EXOC4: variants seen among roughly 807,000 people sequenced by gnomAD.
The protein encoded by EXOC4 is SEC8-like 1.
EXOC4 carries 71 observed loss-of-function variants against 107.2 expected under a neutral mutation model. The observed-to-expected ratio is 0.66, with a 90% CI of 0.55 to 0.81. The LOEUF (loss-of-function observed/expected upper bound fraction) is 0.81, where lower values mean the gene tolerates loss of function less well. Ranked by LOEUF, EXOC4 falls within the 30% of genes least tolerant of loss-of-function variation. The pLI is 0.00. For missense variants in EXOC4, 1,108 were observed against 1,189.6 expected, an observed-to-expected ratio of 0.93 and a Z score of 1.01; for synonymous variants, 456 against 441.2, an observed-to-expected ratio of 1.03 and a Z score of -0.42.
At chr7:133,998,273 C>T (rs982586437) in intron 15 of EXOC4, among the ~76,000 whole-genome samples, 1 of 152,194 alleles carries the variant, frequency 6.6e-6, no homozygotes, top group Non-Finnish European at 1.5e-5. Context: ...TTTGTACTTA[C>T]AGCACATCAC....
At chr7:133,971,633 T>C (rs1801241748) in intron 14 of EXOC4, among the ~76,000 whole-genome samples, 1 of 152,064 alleles carries the variant, frequency 6.6e-6, no homozygotes, top group Non-Finnish European at 1.5e-5. Flanking sequence ...AATTGCCTCC[T>C]TAAAAGTGCT....
At chr7:133,443,527 A>G (rs1264204729) in intron 7 of EXOC4, among the ~76,000 whole-genome samples, 4 of 152,200 alleles carry the variant, frequency 2.6e-5, no homozygotes, top group East Asian at 1.9e-4. Flanking sequence ...AAAACTCCTC[A>G]GTGACCTTCC....
intron 10 of EXOC4, among the ~76,000 whole-genome samples, chr7:133,709,186 A>G (rs147219634): frequency 6.6e-4 from 100 of 152,354 alleles, no homozygotes; most frequent in Admixed American, 1.5e-3. Context: ...GTGTAATTGC[A>G]AAGGACAACA....
chr7:133,350,080 T>G lies in EXOC4; in HGVS notation c.764-6250T>G, dbSNP rs1795873756. Among the ~76,000 whole-genome samples, 2 of 152,174 alleles carry G rather than the reference T, an allele frequency of 1.3e-5. 1 individual carries two copies. ...CTATATATTTTGTATATTAATACCT[T>G]ATCCGATATGTGATTTTGAATTTTT... On this transcript the variant is annotated intron_variant, in intron 5 of 17. Transcript: ENST00000253861.
intron 7 of EXOC4, among the ~76,000 whole-genome samples, chr7:133,436,794 T>G (rs553200872): frequency 1.3e-5 from 2 of 152,288 alleles, no homozygotes; most frequent in East Asian, 1.9e-4. Flanking sequence ...ACCCTCCCCC[T>G]TTATTTTAGC....
intron 11 of EXOC4, among the ~76,000 whole-genome samples, 173 bp from the exon 12 acceptor site, chr7:133,895,426 T>C (rs1288295728): frequency 6.6e-6 from 1 of 152,206 alleles, no homozygotes; most frequent in African/African-American, 2.4e-5. Flanking sequence ...ACCAGAGCTG[T>C]TCCTATTCGG....
At chr7:133,424,096 A>G (rs1797666988) in intron 7 of EXOC4, among the ~76,000 whole-genome samples, 1 of 152,180 alleles carries the variant, frequency 6.6e-6, no homozygotes. Flanking sequence ...AAAATGGACC[A>G]ATCAGTAGGA....
At chr7:134,016,033 T>C (rs886666333) in intron 17 of EXOC4, among the ~76,000 whole-genome samples, 1 of 150,826 alleles carries the variant, frequency 6.6e-6, no homozygotes, top group African/African-American at 2.4e-5. Flanking sequence ...AGTGAAGGAG[T>C]CAAGGATGAC....
At chr7:134,005,166 A>G in intron 16 of EXOC4, 76 bp downstream of exon 16, 1 of 1,432,532 alleles carries the variant, frequency 7.0e-7, no homozygotes, top group South Asian at 1.3e-5. Flanking sequence ...TGTATTACTG[A>G]AGTTCAAGAC....
chr7:133,425,389 C>T (rs1797701702), intron 7 of EXOC4, among the ~76,000 whole-genome samples: 2 of 152,128 alleles, frequency 1.3e-5, no homozygotes, highest in East Asian at 1.9e-4. Context: ...CCGGTTCAAG[C>T]GATTCTGCTG....
chr7:133,348,659 G>A (rs934479178), intron 5 of EXOC4, among the ~76,000 whole-genome samples: 2 of 152,158 alleles, frequency 1.3e-5, no homozygotes, highest in Non-Finnish European at 2.9e-5. Flanking sequence ...CCCCAAACAT[G>A]CTGAATTTAG....
intron 11 of EXOC4, among the ~76,000 whole-genome samples, chr7:133,847,348 G>A (rs1324747787): frequency 6.6e-6 from 1 of 151,452 alleles, no homozygotes; most frequent in Non-Finnish European, 1.5e-5. Context: ...TCTAGAGGGG[G>A]AGAGGATTAG....
intron 3 of EXOC4, among the ~76,000 whole-genome samples, chr7:133,301,137 C>T (rs560131125): frequency 6.6e-6 from 1 of 152,200 alleles, no homozygotes; most frequent in African/African-American, 2.4e-5. Context: ...AAGGTGGACA[C>T]TTGAGGGTGG....
chr7:133,674,448 T>A (rs1435125401), intron 10 of EXOC4, among the ~76,000 whole-genome samples: 1 of 152,202 alleles, frequency 6.6e-6, no homozygotes, highest in Non-Finnish European at 1.5e-5. Flanking sequence ...TTTTAAGGTT[T>A]GAATTTTTGC....
At chr7:133,500,139 A>G (rs143372595) in intron 9 of EXOC4, among the ~76,000 whole-genome samples, 14 of 152,306 alleles carry the variant, frequency 9.2e-5, no homozygotes, top group Non-Finnish European at 1.9e-4. Flanking sequence ...TGTATTTTCC[A>G]CTTTATTGAG....
intron 11 of EXOC4, among the ~76,000 whole-genome samples, chr7:133,882,749 C>G (rs896873572): frequency 3.9e-5 from 6 of 152,064 alleles, no homozygotes; most frequent in Admixed American, 2.6e-4. Flanking sequence ...TTGAAAGAAG[C>G]CCCAGGTAGC....
intron 7 of EXOC4, among the ~76,000 whole-genome samples, chr7:133,394,866 A>G (rs1021852403): frequency 2.0e-5 from 3 of 152,076 alleles, no homozygotes; most frequent in Admixed American, 6.5e-5. Context: ...GCGCCTGACA[A>G]TGTCCTTTTT....
chr7:133,496,331 C>G (rs1402862799), intron 9 of EXOC4, among the ~76,000 whole-genome samples: 1 of 151,980 alleles, frequency 6.6e-6, no homozygotes, highest in Non-Finnish European at 1.5e-5. Context: ...TCACACCTGG[C>G]CAATTTTAGC....
At chr7:133,601,924 A>G (rs1239039148) in intron 9 of EXOC4, 1 of 152,280 alleles carries the variant, frequency 6.6e-6, no homozygotes, top group South Asian at 2.1e-4. Flanking sequence ...TCTGTTTTGA[A>G]GAAGGCCTCC....
Sources: allele counts gnomAD v4.1 joint callset (sites outside exome capture counted in the v4.1 genomes callset), GRCh38; gene constraint gnomAD v4.1.1; transcripts MANE v1.5; gene names NCBI Gene and HGNC (gene_info 2026-07-23, HGNC 2026-07-21).